Variants in ZRANB3 observed in about 807,000 individuals in gnomAD.
The protein encoded by ZRANB3 is zinc finger RANBP2-type containing 3.
In ZRANB3, 125 loss-of-function variants were observed where a neutral mutation model predicts 133.8. The observed-to-expected ratio is 0.93, with a 90% CI of 0.81 to 1.08. The LOEUF (loss-of-function observed/expected upper bound fraction) is 1.08. ZRANB3 is among the 50% of genes least tolerant of loss of function. ZRANB3 has a pLI of 0.00. For synonymous variants in ZRANB3, 387 were observed against 432.7 expected (o/e 0.89, Z 1.31); for missense variants, 1,229 against 1,275.5 (o/e 0.96, Z 0.56).
chr2:135,290,469 C>CT (rs1217450918), intron 8 of ZRANB3, among the ~76,000 whole-genome samples: 1 of 152,168 alleles, frequency 6.6e-6, no homozygotes, highest in East Asian at 1.9e-4. Context: ...ACCGCTTTAC[C>CT]TTAAGTTTAT....
intron 2 of ZRANB3, among the ~76,000 whole-genome samples, chr2:135,468,720 G>A (rs1448294228): frequency 6.6e-6 from 1 of 152,142 alleles, no homozygotes; most frequent in Non-Finnish European, 1.5e-5. Flanking sequence ...CAACAAGAAA[G>A]TATTATGAGA....
intron 9 of ZRANB3, among the ~76,000 whole-genome samples, chr2:135,275,415 G>A (rs1415720480): frequency 6.6e-6 from 1 of 151,924 alleles, no homozygotes; most frequent in Non-Finnish European, 1.5e-5. Context: ...AGATAATTTG[G>A]TCAGTGGAAA....
intron 13 of ZRANB3, chr2:135,228,311 TG>T (rs1468990207): frequency 4.6e-4 from 95 of 206,798 alleles, no homozygotes; most frequent in African/African-American, 2.0e-3. Flanking sequence ...AACTAAGTTT[TG>T]TTTTTTTTTT....
intron 1 of ZRANB3, among the ~76,000 whole-genome samples, chr2:135,519,280 G>A (rs1005296175): frequency 6.6e-6 from 1 of 151,822 alleles, no homozygotes; most frequent in Non-Finnish European, 1.5e-5. Context: ...GTATCTCTCC[G>A]CATTATTTCT....
chr2:135,327,942 T>G (rs546131402), intron 6 of ZRANB3, among the ~76,000 whole-genome samples: 124 of 152,316 alleles, frequency 8.1e-4, no homozygotes, highest in African/African-American at 2.7e-3. Context: ...AATATGATCT[T>G]ATTTATATAA....
In ZRANB3 at chr2:135,307,046, T is replaced by G. The variant is rs115013716; in HGVS notation, c.966+6443A>C. 7.1e-3 allele frequency among the ~76,000 whole-genome samples: 1,082 copies of G among 152,244 alleles called. 11 individuals are homozygous for G. Among genetic ancestry groups the G allele is most frequent in the African/African-American group, 0.024 (1,012 of 41,552 alleles). On this transcript the variant is annotated intron_variant, in intron 8 of 20. Coordinates refer to ENST00000264159, the MANE Select transcript of ZRANB3 (RefSeq NM_032143.4). ...AGTCAAATGTTTTAATTAATGAATT[T>G]TATTTTATTTTACTTTATTTATTTT...
intron 2 of ZRANB3, among the ~76,000 whole-genome samples, chr2:135,422,151 T>C (rs1465166458): frequency 1.3e-5 from 2 of 152,156 alleles, no homozygotes; most frequent in Non-Finnish European, 2.9e-5. Context: ...TTCTATCTTT[T>C]TTTAATTCTC....
intron 5 of ZRANB3, 40 bp downstream of exon 5, chr2:135,349,944 C>T (rs759652286): frequency 5.0e-6 from 8 of 1,585,306 alleles, no homozygotes; most frequent in African/African-American, 1.3e-5. Context: ...TCCCACCCCC[C>T]TTCTCTTCTT....
chr2:135,481,699 G>A (rs1289741446), intron 2 of ZRANB3, among the ~76,000 whole-genome samples: 2 of 150,824 alleles, frequency 1.3e-5, no homozygotes, highest in East Asian at 3.9e-4. Context: ...CCATGCCTAT[G>A]TCCTGAATGG....
chr2:135,259,204 T>C (rs928147453), intron 12 of ZRANB3, among the ~76,000 whole-genome samples: 6 of 151,976 alleles, frequency 3.9e-5, no homozygotes, highest in African/African-American at 1.5e-4. Flanking sequence ...ATTTTTATTT[T>C]TTTTTAATGA....
chr2:135,363,345 T>C (rs1685774245), intron 3 of ZRANB3, among the ~76,000 whole-genome samples: 1 of 152,098 alleles, frequency 6.6e-6, no homozygotes, highest in Non-Finnish European at 1.5e-5. Context: ...TATTTAATCT[T>C]AAAGAGTCAC....
chr2:135,491,017 G>T (rs1374757855), intron 2 of ZRANB3, among the ~76,000 whole-genome samples: 1 of 152,096 alleles, frequency 6.6e-6, no homozygotes, highest in East Asian at 1.9e-4. Context: ...TGAAGAGGTT[G>T]ATTAATGGGT....
chr2:135,445,959 C>T (rs145625620), intron 2 of ZRANB3, among the ~76,000 whole-genome samples: 1 of 150,230 alleles, frequency 6.7e-6, no homozygotes, highest in South Asian at 2.1e-4. Context: ...AATCCCAGCA[C>T]TTTGGGAGGC....
intron 3 of ZRANB3, among the ~76,000 whole-genome samples, chr2:135,364,108 A>G (rs528367360): frequency 6.6e-6 from 1 of 150,882 alleles, no homozygotes; most frequent in South Asian, 2.1e-4. Context: ...GCAGGAGGGA[A>G]GGAGGGAAGG....
chr2:135,479,572 G>A (rs1308925670), intron 2 of ZRANB3, among the ~76,000 whole-genome samples: 3 of 151,962 alleles, frequency 2.0e-5, no homozygotes, highest in East Asian at 3.9e-4. Context: ...AGGCTGAGGC[G>A]AGAGAATCGC....
intron 2 of ZRANB3, among the ~76,000 whole-genome samples, chr2:135,454,425 TTTAA>T (rs1228883577): frequency 1.3e-5 from 2 of 149,148 alleles, no homozygotes; most frequent in African/African-American, 4.9e-5. Flanking sequence ...TTTTTAAATC[TTTAA>T]TTTTTTTTTA....
chr2:135,317,408 G>C (rs547346146), intron 6 of ZRANB3, among the ~76,000 whole-genome samples: 2 of 152,238 alleles, frequency 1.3e-5, no homozygotes, highest in African/African-American at 4.8e-5. Flanking sequence ...GGTGGTTTTT[G>C]TTTTATTTTG....
At chr2:135,433,154 T>C (rs184982282) in intron 2 of ZRANB3, among the ~76,000 whole-genome samples, 12 of 152,162 alleles carry the variant, frequency 7.9e-5, no homozygotes, top group Admixed American at 5.9e-4. Flanking sequence ...CCCCCTAAGA[T>C]AGAAGATCTT....
Position 135,423,845 on chromosome 2 carries a change from G to T in ZRANB3, c.162-33025C>A, listed in dbSNP as rs1688964439. On this transcript the variant is annotated intron_variant, in intron 2 of 20. Transcript: ENST00000264159. Reference sequence around the variant, plus strand: ...ACAATCAGACCAGCCCACAATAAATGATCTGAATATGCTACCATCAAGAGT... The same window carrying T: ...ACAATCAGACCAGCCCACAATAAATTATCTGAATATGCTACCATCAAGAGT... Among the ~76,000 whole-genome samples, 4 of 152,184 alleles carry T rather than the reference G, an allele frequency of 2.6e-5. No individual in the cohort carries two copies. In the South Asian group the frequency reaches 8.3e-4, roughly 32 times the overall value.
Sources: gnomAD v4.1 joint callset for allele counts (sites outside exome capture counted in the v4.1 genomes callset) on GRCh38, gnomAD v4.1.1 for gene constraint, MANE v1.5 for transcripts, NCBI Gene and HGNC (gene_info 2026-07-23, HGNC 2026-07-21) for gene names.